The following NUP210L variants were observed in gnomAD, a reference collection of about 807,000 sequenced individuals.
NUP210L encodes the protein nuclear pore membrane glycoprotein 210-like.
Under a neutral mutation model 208.5 loss-of-function variants are expected in NUP210L, and 74 were observed. The ratio of observed to expected loss-of-function variants is 0.35; its 90% CI spans 0.29 to 0.43. NUP210L has a LOEUF of 0.43. NUP210L is among the 20% of genes least tolerant of loss of function. The pLI, the probability that NUP210L is intolerant of heterozygous loss-of-function variation, is 1.00. For synonymous variants in NUP210L, 780 were observed against 816.9 expected (o/e 0.95, Z 0.77); for missense variants, 1,843 against 2,289.4 (o/e 0.81, Z 3.98).
exon 15 of NUP210L, chr1:154,094,971 G>A: frequency 2.5e-6 from 4 of 1,614,106 alleles, no homozygotes; most frequent in Non-Finnish European, 2.5e-6. Flanking sequence ...TCCGGTAGAT[G>A]TACTGGTTCT....
At chr1:154,104,025 A>G in exon 13 of NUP210L, 1 of 1,613,122 alleles carries the variant, frequency 6.2e-7, no homozygotes, top group Non-Finnish European at 8.5e-7. Flanking sequence ...CTTTGAGAAG[A>G]GTAAAGACTC....
At chr1:154,009,881 C>A in intron 35 of NUP210L, 91 bp downstream of exon 35, 4 of 1,021,074 alleles carry the variant, frequency 3.9e-6, no homozygotes, top group South Asian at 2.2e-5. Flanking sequence ...TCAGATGAAA[C>A]TACAGATATA....
chr1:154,098,246 C>T (rs1235231428), intron 14 of NUP210L, among the ~76,000 whole-genome samples: 1 of 152,178 alleles, frequency 6.6e-6, no homozygotes, highest in African/African-American at 2.4e-5. Context: ...AACCACAGGG[C>T]CCCAAAGTGG....
intron 27 of NUP210L, among the ~76,000 whole-genome samples, chr1:154,031,675 C>G (rs531735675): frequency 1.3e-5 from 2 of 151,412 alleles, no homozygotes; most frequent in South Asian, 4.2e-4. Context: ...AACATAGTGT[C>G]TCCAATTCCA....
chr1:154,102,698 A>C (rs1052018252), intron 13 of NUP210L, among the ~76,000 whole-genome samples: 1 of 152,206 alleles, frequency 6.6e-6, no homozygotes, highest in Non-Finnish European at 1.5e-5. Flanking sequence ...TTGATGAAAA[A>C]ACAATGGGGA....
rs529521455 is a variant in NUP210L, at chr1:154,138,295, G to A, written c.718-57C>T. ...AGTTTCCATGGACGGAACCCTCACA[G>A]TCATCTTTCTTGTTAAAAGCTTACT... On this transcript the variant is annotated intron_variant, in intron 5 of 39. Coordinates refer to ENST00000368559, the Ensembl canonical transcript of NUP210L. 298 of 1,447,954 alleles carry A rather than the reference G, an allele frequency of 2.1e-4. 2 individuals carry two copies. The South Asian group carries it at 2.4e-3, about 12-fold the overall frequency. The allele number at this position is 1,447,954 out of a possible 1,614,324, so 89.7% of individuals were successfully genotyped here. A position where few individuals can be genotyped will look rare whatever the true frequency, so the allele number is the denominator to read the frequency against.
chr1:154,154,028 C>G (rs1659554482), intron 1 of NUP210L, among the ~76,000 whole-genome samples: 1 of 152,200 alleles, frequency 6.6e-6, no homozygotes, highest in African/African-American at 2.4e-5. Flanking sequence ...AACCACATAA[C>G]CCATCATTGG....
intron 16 of NUP210L, chr1:154,078,854 A>G (rs1571246039): frequency 6.6e-6 from 1 of 152,184 alleles, no homozygotes; most frequent in South Asian, 2.1e-4. Context: ...GCCAACACTA[A>G]ACAAGAAGGC....
intron 27 of NUP210L, among the ~76,000 whole-genome samples, chr1:154,033,382 T>A (rs1652362906): frequency 6.6e-6 from 1 of 152,174 alleles, no homozygotes; most frequent in Non-Finnish European, 1.5e-5. Context: ...TACTTTGAGG[T>A]CTCAGATTTA....
At chr1:154,118,875 T>C in intron 10 of NUP210L, 67 bp from the exon 11 acceptor site, 1 of 894,288 alleles carries the variant, frequency 1.1e-6, no homozygotes, top group South Asian at 2.7e-5. Context: ...CACATTCATA[T>C]ACTCAAAACA....
intron 31 of NUP210L, among the ~76,000 whole-genome samples, chr1:154,022,553 C>T (rs1040987674): frequency 6.6e-6 from 1 of 151,488 alleles, no homozygotes; most frequent in African/African-American, 2.4e-5. Flanking sequence ...TCCAGTAAAG[C>T]CTTTTGATAA....
At chr1:154,152,090 CAAA>C (rs745735321) in intron 2 of NUP210L, among the ~76,000 whole-genome samples, 2 of 103,912 alleles carry the variant, frequency 1.9e-5, no homozygotes, top group African/African-American at 7.3e-5. Flanking sequence ...AACTCCGTCT[CAAA>C]AAAAAAAAAA....
chr1:154,085,291 A>G (rs1158666680), intron 16 of NUP210L, among the ~76,000 whole-genome samples: 2 of 150,892 alleles, frequency 1.3e-5, no homozygotes, highest in African/African-American at 4.9e-5. Flanking sequence ...CAGAGCTTGC[A>G]GTGAGCCGAG....
chr1:154,143,195 C>G (rs560946638), intron 3 of NUP210L, among the ~76,000 whole-genome samples: 236 of 132,560 alleles, frequency 1.8e-3, no homozygotes, highest in Admixed American at 2.9e-3. Context: ...TTCCCCTCCC[C>G]CTGCCCAAAA....
intron 6 of NUP210L, among the ~76,000 whole-genome samples, chr1:154,136,703 G>A (rs1215046149): frequency 6.6e-6 from 1 of 151,532 alleles, no homozygotes; most frequent in Non-Finnish European, 1.5e-5. Context: ...GGTGAACCAC[G>A]AGGTCAGGAG....
At chr1:154,009,911 G>A (rs1650805526) in intron 35 of NUP210L, 61 bp downstream of exon 35, 6 of 1,360,538 alleles carry the variant, frequency 4.4e-6, no homozygotes, top group Non-Finnish European at 6.1e-6. Context: ...CAATAAGAAT[G>A]GGACAATTAT....
intron 13 of NUP210L, among the ~76,000 whole-genome samples, chr1:154,102,157 AC>A (rs1459317594): frequency 6.6e-6 from 1 of 152,188 alleles, no homozygotes; most frequent in African/African-American, 2.4e-5. Flanking sequence ...TCTCAAAAAA[AC>A]AAAACAAAAA....
At chr1:154,019,392 C>A (rs1276163323) in intron 32 of NUP210L, among the ~76,000 whole-genome samples, 1 of 152,092 alleles carries the variant, frequency 6.6e-6, no homozygotes, top group African/African-American at 2.4e-5. Context: ...TTGCTTTGAG[C>A]TACTGATTGA....
rs1207388678 is a variant in NUP210L at position 154,155,089 on chromosome 1, A to ACGT, written c.-46_-45insACG. ...GTTCCCGCTCAACTACAGCCGGCTC[A>ACGT]CAGCTCCATCAGCCAATCCACAGGC... On this transcript the variant is annotated 5_prime_UTR_variant, in exon 1 of 40. Coordinates refer to ENST00000368559, the Ensembl canonical transcript of NUP210L. 7.0e-7 allele frequency: 1 copy of ACGT among 1,422,826 alleles called. No homozygotes were observed. Among genetic ancestry groups the ACGT allele is most frequent in the South Asian group, 1.2e-5 (1 of 82,584 alleles). The allele number at this position is 1,422,826 out of a possible 1,614,324, so 88.1% of individuals were successfully genotyped here. A position where few individuals can be genotyped will look rare whatever the true frequency, so the allele number is the denominator to read the frequency against.
Sources: allele counts gnomAD v4.1 joint callset (sites outside exome capture counted in the v4.1 genomes callset), GRCh38; gene constraint gnomAD v4.1.1; transcripts MANE v1.5; gene names NCBI Gene and HGNC (gene_info 2026-07-23, HGNC 2026-07-21).